SLC4A9: variants seen among roughly 807,000 people sequenced by gnomAD.
SLC4A9 encodes solute carrier family 4 member 9, also known as anion exchange protein 4.
In SLC4A9, 102 loss-of-function variants were observed where a neutral mutation model predicts 103.2. The observed-to-expected ratio is 0.99, with a 90% CI of 0.84 to 1.17. The LOEUF (loss-of-function observed/expected upper bound fraction) is 1.17, where lower values mean the gene tolerates loss of function less well. SLC4A9 is among the 50% of genes most tolerant of loss of function. SLC4A9 has a pLI of 0.00. For synonymous variants in SLC4A9, 453 were observed against 483.6 expected, an observed-to-expected ratio of 0.94 and a Z score of 0.83; for missense variants, 1,091 against 1,193.7, an observed-to-expected ratio of 0.91 and a Z score of 1.27.
In SLC4A9 at chr5:140,363,307, C is replaced by A. The variant is rs1015761444; in HGVS notation, c.963-132C>A. On this transcript the variant is annotated intron_variant, in intron 7 of 21. Transcript: ENST00000506757. This position sits in a 1 kb window ranked among gnomAD's most constrained non-coding sequence, Gnocchi z 4.5. The stretch of plus-strand genomic sequence containing the variant: ...AATATGACCTGGACCTTCTAGAGGC[C>A]CAGGTGTCGCCATGGTTCCCTCGCC... 1 of 949,278 alleles carries A rather than the reference C, an allele frequency of 1.1e-6. No individual in the cohort carries two copies. 58.8% of individuals were successfully genotyped at this position (949,278 alleles called of 1,614,324 possible).
chr5:140,365,418 A>T, intron 11 of SLC4A9, 102 bp from the exon 12 acceptor site: 3 of 965,888 alleles, frequency 3.1e-6, no homozygotes, highest in Non-Finnish European at 4.8e-6. Flanking sequence ...AGTCACAATT[A>T]AGAACTCTGG....
At position 140,363,600 on chromosome 5, in the gene SLC4A9, G is replaced by T. The variant is rs1182891940; in HGVS notation, c.1079+45G>T. 6.4e-7 allele frequency: 1 copy of T among 1,555,468 alleles called. No individual in the cohort carries two copies. Among genetic ancestry groups the T allele is most frequent in the African/African-American group, 1.4e-5 (1 of 73,520 alleles). On this transcript the variant is annotated intron_variant, in intron 8 of 21. Coordinates refer to ENST00000506757, the MANE Select transcript of SLC4A9 (RefSeq NM_031467.3). This position sits in a 1 kb window ranked among gnomAD's most constrained non-coding sequence, Gnocchi z 4.5. Reference sequence around the variant, plus strand: ...AACAAGGGTAGGTGACCTGGGGGAGGGGAGGAGTCACAGGGAAACTGAGGT... The same window carrying T: ...AACAAGGGTAGGTGACCTGGGGGAGTGGAGGAGTCACAGGGAAACTGAGGT...
Position 140,363,198 on chromosome 5 carries a change from A to T in SLC4A9, c.962+132A>T, listed in dbSNP as rs1046306830. On this transcript the variant is annotated intron_variant, in intron 7 of 21. Transcript: ENST00000506757. The surrounding 1 kb of genome is among the most constrained non-coding windows in gnomAD (Gnocchi z 4.5). ...TTTGGATTTGGAGTCAGGCAGACCT[A>T]ACTCTGAGTTCTGCTGGACTACTCT... 8.2e-7 allele frequency: 1 copy of T among 1,212,372 alleles called. No homozygotes were observed. The highest frequency in any genetic ancestry group is 1.6e-5 in the African/African-American group (1 of 64,344). The allele number at this position is 1,212,372 out of a possible 1,614,324, so 75.1% of individuals were successfully genotyped here. A position where few individuals can be genotyped will look rare whatever the true frequency, so the allele number is the denominator to read the frequency against.
At chr5:140,372,098 C>A in intron 19 of SLC4A9, 144 bp from the exon 20 acceptor site, 1 of 768,222 alleles carries the variant, frequency 1.3e-6, no homozygotes, top group African/African-American at 1.8e-5. Context: ...ATAATTTATT[C>A]TATCTACCTC....
At position 140,363,778 on chromosome 5, in the gene SLC4A9, C is replaced by G; in HGVS notation, c.1130C>G (p.Pro377Arg). Reference protein sequence around the residue: ...QDVRRKVPWYPSDFLDALHLQ... With the variant: ...QDVRRKVPWYRSDFLDALHLQ... ...GTGCGCAGGAAGGTCCCGTGGTACC[C>G]CAGCGATTTCTTGGACGCCCTGCAT... The change falls in exon 9 of 22, where the codon CCC (proline) becomes CGC (arginine). Residue 377 changes from proline (P) to arginine (R), a missense_variant. Pro to Arg is a moderately radical substitution (Grantham distance 103, BLOSUM62 -2). Coordinates refer to ENST00000506757, the MANE Select transcript of SLC4A9 (RefSeq NM_031467.3). The surrounding 1 kb of genome is among the most constrained non-coding windows in gnomAD (Gnocchi z 4.5). 6.2e-7 allele frequency: 1 copy of G among 1,613,968 alleles called. No homozygotes were observed. The highest frequency in any genetic ancestry group is 8.5e-7 in the Non-Finnish European group (1 of 1,179,858).
At chr5:140,361,906 A>AG in intron 4 of SLC4A9, 43 bp downstream of exon 4, 4 of 1,613,488 alleles carry the variant, frequency 2.5e-6, no homozygotes, top group South Asian at 2.2e-5. Context: ...TGGCTGGGAG[A>AG]GGGGTTAGAA....
intron 16 of SLC4A9, 63 bp from the exon 17 acceptor site, chr5:140,368,523 AT>A: frequency 7.0e-7 from 1 of 1,435,616 alleles, no homozygotes; most frequent in African/African-American, 1.4e-5. Flanking sequence ...TTCAGCCAGG[AT>A]CTCCAGTCTG....
intron 2 of SLC4A9, 40 bp downstream of exon 2, chr5:140,361,012 T>C (rs764519855): frequency 1.3e-6 from 2 of 1,500,258 alleles, no homozygotes; most frequent in South Asian, 1.3e-5. Flanking sequence ...TGGGTAGCCA[T>C]GCCTTTTCCC....
At position 140,367,594 on chromosome 5, in the gene SLC4A9, G is replaced by A. The variant is rs532928767; in HGVS notation, c.2175+13G>A. The A allele has an allele frequency of 6.2e-7, 1 of 1,601,320 alleles. No individual in the cohort carries two copies. The highest frequency in any genetic ancestry group is 1.7e-5 in the Admixed American group (1 of 57,998). On this transcript the variant is annotated intron_variant, in intron 15 of 21. Transcript: ENST00000506757. ...ATACAGACTGCAGGTAAGGCCTGCT[G>A]GGTAAGGCCCAAGACCAAGGGACAG...
rs535512443 is a variant in SLC4A9 at position 140,375,081 on chromosome 5, C to T, written c.*300C>T. The T allele has an allele frequency of 1.3e-5, 2 of 152,110 alleles. No homozygotes were observed. Among genetic ancestry groups the T allele is most frequent in the African/African-American group, 2.4e-5 (1 of 41,418 alleles). 9.4% of individuals were successfully genotyped at this position (152,110 alleles called of 1,614,324 possible). A position where few individuals can be genotyped will look rare whatever the true frequency, so the allele number is the denominator to read the frequency against. On this transcript the variant is annotated 3_prime_UTR_variant, in exon 22 of 22. Coordinates refer to ENST00000506757, the MANE Select transcript of SLC4A9 (RefSeq NM_031467.3). ...AGAATCTAAGGGCCATCAGGGAACT[C>T]TTTTCATCTTGCAAAGAGAAAAAGC...
rs1160123207 is a variant in SLC4A9 at position 140,361,124 on chromosome 5, G to A, written c.392-130G>A. 5 of 1,183,146 alleles carry A rather than the reference G, an allele frequency of 4.2e-6. No individual in the cohort carries two copies. In the East Asian group the frequency reaches 7.7e-5, roughly 18 times the overall value. 73.3% of individuals were successfully genotyped at this position (1,183,146 alleles called of 1,614,324 possible). On this transcript the variant is annotated intron_variant, in intron 2 of 21. Transcript: ENST00000506757. Reference sequence around the variant, plus strand: ...AGGGTGGACATGGAAAAGCAGGGTGGAGGAGCAAGTTCATTGGCCCTGGCA... The same window carrying A: ...AGGGTGGACATGGAAAAGCAGGGTGAAGGAGCAAGTTCATTGGCCCTGGCA...
chr5:140,371,156 G>A lies in SLC4A9; in HGVS notation c.2489G>A (p.Ser830Asn). ...TATATGGGGGTGGCAGCGCTCAGCA[G>A]CATTCAGGTGAGCCCATTAAAATCA... ...FLYMGVAALSSIQFTNRVKLL... is the reference protein window; with the variant it reads ...FLYMGVAALSNIQFTNRVKLL... The change falls in exon 18 of 22, where the codon AGC (serine) becomes AAC (asparagine). Residue 830 changes from serine (S) to asparagine (N), a missense_variant. Ser to Asn is a conservative substitution (Grantham distance 46). Transcript: ENST00000506757. The A allele has an allele frequency of 6.2e-7, 1 of 1,610,424 alleles. No individual in the cohort carries two copies. The highest frequency in any genetic ancestry group is 8.5e-7 in the Non-Finnish European group (1 of 1,178,136).
At chr5:140,362,868 G>T (rs1004136711) in intron 6 of SLC4A9, 44 bp from the exon 7 acceptor site, 33 of 1,613,008 alleles carry the variant, frequency 2.0e-5, no homozygotes, top group African/African-American at 4.0e-5. Flanking sequence ...GCATGTAAGA[G>T]ACCAGGTTTG....
At position 140,372,225 on chromosome 5, in the gene SLC4A9, T is replaced by A; in HGVS notation, c.2671-17T>A. 1 of 1,539,894 alleles carries A rather than the reference T, an allele frequency of 6.5e-7. No individual in the cohort carries two copies. The highest frequency in any genetic ancestry group is 8.7e-7 in the Non-Finnish European group (1 of 1,149,640). On this transcript the variant is annotated splice_polypyrimidine_tract_variant and intron_variant, in intron 19 of 21. Coordinates refer to ENST00000506757, the MANE Select transcript of SLC4A9 (RefSeq NM_031467.3). ...TACTGTTGCTGACAGGCCTGGGCCATGTTTCTATTCCTGCAGTTGCTGGGC... is the reference window on the plus strand; with the variant it reads ...TACTGTTGCTGACAGGCCTGGGCCAAGTTTCTATTCCTGCAGTTGCTGGGC...
intron 17 of SLC4A9, among the ~76,000 whole-genome samples, chr5:140,369,818 A>G (rs1030449264): frequency 2.0e-5 from 3 of 152,072 alleles, no homozygotes; most frequent in Non-Finnish European, 4.4e-5. Context: ...CCTGTGCAAC[A>G]TGGCGAAACC....
chr5:140,362,295 T>A, intron 5 of SLC4A9, 121 bp downstream of exon 5: 15 of 1,287,446 alleles, frequency 1.2e-5, no homozygotes, highest in Non-Finnish European at 1.6e-5. Flanking sequence ...TGCTCAGGGG[T>A]CTGGGGAGAG....
chr5:140,363,318 C>T lies in SLC4A9; in HGVS notation c.963-121C>T. ...GACCTTCTAGAGGCCCAGGTGTCGC[C>T]ATGGTTCCCTCGCCGGCAGAGACAA... On this transcript the variant is annotated intron_variant, in intron 7 of 21. Transcript: ENST00000506757. The surrounding 1 kb of genome is among the most constrained non-coding windows in gnomAD (Gnocchi z 4.5). The T allele has an allele frequency of 2.0e-6, 2 of 1,021,050 alleles. No individual in the cohort carries two copies. The highest frequency in any genetic ancestry group is 2.9e-6 in the Non-Finnish European group (2 of 697,238). The allele number at this position is 1,021,050 out of a possible 1,614,324, so 63.2% of individuals were successfully genotyped here.
intron 11 of SLC4A9, 28 bp from the exon 12 acceptor site, chr5:140,365,492 T>C (rs1225335953): frequency 1.3e-5 from 20 of 1,596,548 alleles, no homozygotes; most frequent in Non-Finnish European, 1.7e-5. Flanking sequence ...GGAGGGAACA[T>C]ACATCTGAAT....
chr5:140,361,922 C>T lies in SLC4A9; in HGVS notation c.561+59C>T. On this transcript the variant is annotated intron_variant, in intron 4 of 21. Coordinates refer to ENST00000506757, the MANE Select transcript of SLC4A9 (RefSeq NM_031467.3). ...GGCTGGGAGAGGGGTTAGAAATTAA[C>T]AAAAGTCTACTCTCCACTGGATTTC... The T allele has an allele frequency of 7.4e-6, 12 of 1,613,290 alleles. No homozygotes were observed. In the South Asian group the frequency reaches 1.3e-4, roughly 18 times the overall value.
Sources: allele counts gnomAD v4.1 joint callset (sites outside exome capture counted in the v4.1 genomes callset), GRCh38; gene constraint gnomAD v4.1.1; non-coding constraint Gnocchi (gnomAD v3.1); transcripts MANE v1.5; gene names NCBI Gene and HGNC (gene_info 2026-07-23, HGNC 2026-07-21).